The following SGTA variants were observed in gnomAD, a reference collection of about 807,000 sequenced individuals.
The protein encoded by SGTA is small glutamine-rich tetratricopeptide repeat-containing protein alpha.
Under a neutral mutation model 44.3 loss-of-function variants are expected in SGTA, and 22 were observed. The observed-to-expected ratio is 0.50, with a 90% CI of 0.36 to 0.71. The LOEUF is 0.71. SGTA is among the 30% of genes least tolerant of loss of function. The pLI, the probability that SGTA is intolerant of heterozygous loss-of-function variation, is 0.00. For synonymous variants in SGTA, 174 were observed against 177.6 expected (o/e 0.98, Z 0.16); for missense variants, 341 against 435.9 (o/e 0.78, Z 1.94).
Position 2,767,993 on chromosome 19 carries a change from G to T in SGTA, c.101-307C>A, listed in dbSNP as rs1049726324. 2.0e-5 allele frequency among the ~76,000 whole-genome samples: 3 copies of T among 152,326 alleles called. No homozygotes were observed. The highest frequency in any genetic ancestry group is 7.2e-5 in the African/African-American group (3 of 41,572). On this transcript the variant is annotated intron_variant, in intron 2 of 11. Transcript: ENST00000221566. This position sits in a 1 kb window ranked among gnomAD's most constrained non-coding sequence, Gnocchi z 7.3. ...GCTGGGGCTGCCCGGCTGCGGCGTG[G>T]TGGGGGCTTGGCCCCACCTGGAGGG...
At chr19:2,764,110 T>C (rs1915075613) in intron 5 of SGTA, among the ~76,000 whole-genome samples, 1 of 152,208 alleles carries the variant, frequency 6.6e-6, no homozygotes, top group South Asian at 2.1e-4. Flanking sequence ...CTCAGACCAA[T>C]GTCAAAGCTC....
At chr19:2,759,317 C>G (rs1305836306) in intron 8 of SGTA, 23 bp from the exon 9 acceptor site, 1 of 1,611,952 alleles carries the variant, frequency 6.2e-7, no homozygotes, top group African/African-American at 1.3e-5. Context: ...ACAAATTTGT[C>G]AGGAAGACAA....
chr19:2,767,015 G>C lies in SGTA; in HGVS notation c.292+121C>G. 1.3e-6 allele frequency: 1 copy of C among 756,930 alleles called. No individual in the cohort carries two copies. Among genetic ancestry groups the C allele is most frequent in the Admixed American group, 2.1e-5 (1 of 48,730 alleles). 46.9% of individuals were successfully genotyped at this position (756,930 alleles called of 1,614,324 possible). A position where few individuals can be genotyped will look rare whatever the true frequency, so the allele number is the denominator to read the frequency against. ...CCCGTCCCCACAAGCCAGCGTGCTGGTCATCAGGGCAATTCCCTCAGCTCC... is the reference window on the plus strand; with the variant it reads ...CCCGTCCCCACAAGCCAGCGTGCTGCTCATCAGGGCAATTCCCTCAGCTCC... On this transcript the variant is annotated intron_variant, in intron 4 of 11. Transcript: ENST00000221566. The surrounding 1 kb of genome is among the most constrained non-coding windows in gnomAD (Gnocchi z 7.3).
chr19:2,772,151 G>A (rs558356707), intron 1 of SGTA, among the ~76,000 whole-genome samples: 1 of 152,360 alleles, frequency 6.6e-6, no homozygotes, highest in African/African-American at 2.4e-5. Context: ...GGCCTCAGGA[G>A]CTGGGGAACC....
chr19:2,778,503 C>CG (rs1029874095), intron 1 of SGTA, among the ~76,000 whole-genome samples: 8 of 152,146 alleles, frequency 5.3e-5, no homozygotes, highest in African/African-American at 9.6e-5. Flanking sequence ...CACCGCCCCC[C>CG]CCGGCCCCCG....
chr19:2,778,393 G>C (rs1915492118), intron 1 of SGTA, among the ~76,000 whole-genome samples: 1 of 152,160 alleles, frequency 6.6e-6, no homozygotes, highest in South Asian at 2.1e-4. Context: ...GGTTCAGAAA[G>C]TGGAAAGAGT....
rs1382157808 is a variant in SGTA at position 2,767,408 on chromosome 19, C to T, written c.207+172G>A. 6.6e-5 allele frequency among the ~76,000 whole-genome samples: 10 copies of T among 152,192 alleles called. No individual in the cohort carries two copies. Among genetic ancestry groups the T allele is most frequent in the African/African-American group, 9.6e-5 (4 of 41,452 alleles). On this transcript the variant is annotated intron_variant, in intron 3 of 11. Transcript: ENST00000221566. This position sits in a 1 kb window ranked among gnomAD's most constrained non-coding sequence, Gnocchi z 7.3. ...CCACAGCGCTATGTGTCTCAGGACC[C>T]GCCGATAGGGGGAGGAGGGCCAAGT...
At chr19:2,778,698 C>T (rs1460589466) in intron 1 of SGTA, among the ~76,000 whole-genome samples, 1 of 152,190 alleles carries the variant, frequency 6.6e-6, no homozygotes, top group African/African-American at 2.4e-5. Context: ...AGGCTGCACA[C>T]ATTGAAATTC....
chr19:2,764,565 T>C lies in SGTA; in HGVS notation c.392+621A>G, dbSNP rs1015632098. 1.3e-5 allele frequency among the ~76,000 whole-genome samples: 2 copies of C among 151,438 alleles called. 1 individual carries two copies. Among genetic ancestry groups the C allele is most frequent in the Middle Eastern group, 6.4e-3 (2 of 314 alleles). ...GGCACCCACCACCACATCCAGCTAA[T>C]TTTTGTGGTTTTTTTCGGGGTTTTT... is the stretch of plus-strand genomic sequence containing the variant. On this transcript the variant is annotated intron_variant, in intron 5 of 11. Transcript: ENST00000221566.
At position 2,761,393 on chromosome 19, in the gene SGTA, A is replaced by G; in HGVS notation, c.699+67T>C. ...GCAAGGAAGCCCTGGCCAGTAGCGGACACAGCAGATGCGGGCCTGGGGGGT... is the reference window on the plus strand; with the variant it reads ...GCAAGGAAGCCCTGGCCAGTAGCGGGCACAGCAGATGCGGGCCTGGGGGGT... On this transcript the variant is annotated intron_variant, in intron 8 of 11. Transcript: ENST00000221566. This position sits in a 1 kb window ranked among gnomAD's most constrained non-coding sequence, Gnocchi z 5.7. The G allele has an allele frequency of 7.3e-7, 1 of 1,366,698 alleles. No homozygotes were observed. The allele number at this position is 1,366,698 out of a possible 1,614,324, so 84.7% of individuals were successfully genotyped here. A position where few individuals can be genotyped will look rare whatever the true frequency, so the allele number is the denominator to read the frequency against.
At chr19:2,771,713 C>T (rs1915315505) in intron 1 of SGTA, among the ~76,000 whole-genome samples, 1 of 152,252 alleles carries the variant, frequency 6.6e-6, no homozygotes, top group Admixed American at 6.5e-5. Context: ...AGAAACGCTG[C>T]CCGGCTGTGC....
At position 2,762,522 on chromosome 19, in the gene SGTA, C is replaced by A; in HGVS notation, c.620G>T (p.Arg207Leu). 1 of 1,614,006 alleles carries A rather than the reference C, an allele frequency of 6.2e-7. No individual in the cohort carries two copies. The highest frequency in any genetic ancestry group is 8.5e-7 in the Non-Finnish European group (1 of 1,179,990). Reference protein sequence around the residue: ...SNLKIAELKLREAPSPTGGVG... With the variant: ...SNLKIAELKLLEAPSPTGGVG... ...TGCACTCACGGGGCTGGGGGCCTCC[C>A]GCAGCTTCAGCTCCGCTATCTTGAG... is the stretch of plus-strand genomic sequence containing the variant. The change falls in exon 7 of 12, where the codon CGG becomes CTG. Residue 207 changes from arginine (R) to leucine (L), a missense_variant. By Grantham distance (102) the Arg-to-Leu change is moderately radical (BLOSUM62 -2). Transcript: ENST00000221566.
At position 2,755,916 on chromosome 19, in the gene SGTA, C is replaced by A. The variant is rs531859611; in HGVS notation, c.*24G>T. On this transcript the variant is annotated 3_prime_UTR_variant, in exon 12 of 12. Coordinates refer to ENST00000221566, the MANE Select transcript of SGTA (RefSeq NM_003021.4). The surrounding 1 kb of genome is among the most constrained non-coding windows in gnomAD (Gnocchi z 5.2). ...CCTTCGGGTCGGCCAGGGAAGGACG[C>A]GGTCACACCGGGAGCAGCTGGAAGG... The A allele has an allele frequency of 1.9e-5, 19 of 985,844 alleles. No individual in the cohort carries two copies. Among genetic ancestry groups the A allele is most frequent in the Non-Finnish European group, 2.2e-5 (18 of 830,202 alleles). 61.1% of individuals were successfully genotyped at this position (985,844 alleles called of 1,614,324 possible). A position where few individuals can be genotyped will look rare whatever the true frequency, so the allele number is the denominator to read the frequency against.
In SGTA at chr19:2,767,152, C is replaced by G. The variant is rs1381699482; in HGVS notation, c.276G>C (p.Glu92Asp). Residue 92 changes from glutamate to aspartate, a missense_variant, in exon 4 of 12, where the codon GAG becomes GAC. Physicochemically the swap from Glu to Asp is conservative, Grantham distance 45. Transcript: ENST00000221566. This position sits in a 1 kb window ranked among gnomAD's most constrained non-coding sequence, Gnocchi z 7.3. ...CTCCCTTACCTTCGGTTTTGAGGCG[C>G]TCTGCCTCTGCTGAGTCCTCCTCGG... ...PPSEEDSAEA[E>D]RLKTEGNEQM... 6.2e-7 allele frequency: 1 copy of G among 1,612,124 alleles called. No individual in the cohort carries two copies. Among genetic ancestry groups the G allele is most frequent in the South Asian group, 1.1e-5 (1 of 90,556 alleles).
At position 2,765,292 on chromosome 19, in the gene SGTA, G is replaced by C; in HGVS notation, c.293-7C>G. 2 of 1,608,432 alleles carry C rather than the reference G, an allele frequency of 1.2e-6. No individual in the cohort carries two copies. The highest frequency in any genetic ancestry group is 1.7e-6 in the Non-Finnish European group (2 of 1,175,306). On this transcript the variant is annotated splice_polypyrimidine_tract_variant and splice_region_variant and intron_variant, in intron 4 of 11. Transcript: ENST00000221566. This position sits in a 1 kb window ranked among gnomAD's most constrained non-coding sequence, Gnocchi z 5.5. The stretch of plus-strand genomic sequence containing the variant: ...ACTTTCATCTGCTCGTTTCCTACAG[G>C]GAGAGAGGAAAACACCGGCCCGGTG...
chr19:2,756,183 C>T (rs897982882), intron 11 of SGTA, among the ~76,000 whole-genome samples: 7 of 150,478 alleles, frequency 4.7e-5, no homozygotes, highest in African/African-American at 9.8e-5. Flanking sequence ...TATGAGGTTA[C>T]GGTGGTAAAA....
At chr19:2,756,430 G>C (rs1011263421) in intron 11 of SGTA, among the ~76,000 whole-genome samples, 1 of 151,014 alleles carries the variant, frequency 6.6e-6, no homozygotes, top group Non-Finnish European at 1.5e-5. Context: ...CCCTCCAGCC[G>C]GGGGGACAGA....
rs142716412 is a variant in SGTA, at chr19:2,762,494, C to G, written c.636+12G>C. The stretch of plus-strand genomic sequence containing the variant: ...TCGGCGTTCTGGAGCCACTCGCCCC[C>G]GCTGCACTCACGGGGCTGGGGGCCT... On this transcript the variant is annotated intron_variant, in intron 7 of 11. Transcript: ENST00000221566. 101 of 1,613,584 alleles carry G rather than the reference C, an allele frequency of 6.3e-5. 1 individual carries two copies. Among genetic ancestry groups the G allele is most frequent in the Admixed American group, 1.2e-4 (7 of 60,028 alleles).
At chr19:2,774,869 T>C (rs918820741) in intron 1 of SGTA, among the ~76,000 whole-genome samples, 3 of 152,166 alleles carry the variant, frequency 2.0e-5, no homozygotes, top group African/African-American at 4.8e-5. Context: ...CATGTGTGTG[T>C]GTGCGTGCAT....
Sources: allele counts gnomAD v4.1 joint callset (sites outside exome capture counted in the v4.1 genomes callset), GRCh38; gene constraint gnomAD v4.1.1; non-coding constraint Gnocchi (gnomAD v3.1); transcripts MANE v1.5; gene names NCBI Gene and HGNC (gene_info 2026-07-23, HGNC 2026-07-21).